KCNQ1OT1: variants seen among roughly 807,000 people sequenced by gnomAD.
The protein encoded by KCNQ1OT1 is KCNQ1 antisense RNA 2 (non-protein coding).
Position 2,679,615 on chromosome 11 carries a change from A to G in KCNQ1OT1, n.20380T>C. 7.5e-6 allele frequency: 3 copies of G among 398,648 alleles called. No individual in the cohort carries two copies. The highest frequency in any genetic ancestry group is 1.3e-5 in the Non-Finnish European group (3 of 226,078). 24.7% of individuals were successfully genotyped at this position (398,648 alleles called of 1,614,324 possible). ...CTGATGGGGAGGCGAGTTGGAATGA[A>G]TAGTATCAGCATCAGAAAAAATACA... is the stretch of plus-strand genomic sequence containing the variant. On this transcript the variant is annotated non_coding_transcript_exon_variant, in exon 1 of 1. Transcript: ENST00000597346. This position sits in a 1 kb window ranked among gnomAD's most constrained non-coding sequence, Gnocchi z 4.8.
In KCNQ1OT1 at chr11:2,627,298, C is replaced by A. The variant is rs1849276692; in HGVS notation, n.72697G>T. 8 of 398,344 alleles carry A rather than the reference C, an allele frequency of 2.0e-5. No homozygotes were observed. The highest frequency in any genetic ancestry group is 2.2e-5 in the Non-Finnish European group (5 of 226,040). 24.7% of individuals were successfully genotyped at this position (398,344 alleles called of 1,614,324 possible). On this transcript the variant is annotated non_coding_transcript_exon_variant, in exon 1 of 1. Coordinates refer to ENST00000597346, the Ensembl canonical transcript of KCNQ1OT1. The surrounding 1 kb of genome is among the most constrained non-coding windows in gnomAD (Gnocchi z 4.9). ...AATTAACATATACCTTACATAGTTG[C>A]CATGTGTGTGCGTGTGTGTGGTCAG...
chr11:2,685,821 A>G, exon 1 of KCNQ1OT1: 1 of 398,730 alleles, frequency 2.5e-6, no homozygotes. Flanking sequence ...GATTCCTACT[A>G]GAACGAGGCT....
chr11:2,675,816 G>A, exon 1 of KCNQ1OT1: 1 of 398,710 alleles, frequency 2.5e-6, no homozygotes, highest in Non-Finnish European at 4.4e-6. Context: ...GTGCATGCAG[G>A]GCTGCACACT....
chr11:2,642,559 C>G lies in KCNQ1OT1; in HGVS notation n.57436G>C, dbSNP rs918113311. 1 of 397,716 alleles carries G rather than the reference C, an allele frequency of 2.5e-6. No individual in the cohort carries two copies. The highest frequency in any genetic ancestry group is 4.4e-6 in the Non-Finnish European group (1 of 225,656). The allele number at this position is 397,716 out of a possible 1,614,324, so 24.6% of individuals were successfully genotyped here. The stretch of plus-strand genomic sequence containing the variant: ...TTGATTTTATTCATGTAGGTCTTCT[C>G]TCTTTTCTTCTTGGATAGTTTAGCC... On this transcript the variant is annotated non_coding_transcript_exon_variant, in exon 1 of 1. Coordinates refer to ENST00000597346, the Ensembl canonical transcript of KCNQ1OT1. The surrounding 1 kb of genome is among the most constrained non-coding windows in gnomAD (Gnocchi z 4.3).
chr11:2,699,524 C>T, exon 1 of KCNQ1OT1: 8 of 355,526 alleles, frequency 2.3e-5, no homozygotes, highest in Non-Finnish European at 3.9e-5. Flanking sequence ...AGGAGAGTGC[C>T]GCGCTGAGGA....
chr11:2,650,148 C>T (rs1356005258), exon 1 of KCNQ1OT1: 2 of 398,148 alleles, frequency 5.0e-6, no homozygotes, highest in Non-Finnish European at 8.9e-6. Flanking sequence ...GGTTCTTTTT[C>T]ATATCTAACT....
exon 1 of KCNQ1OT1, chr11:2,696,968 A>T (rs940374158): frequency 2.0e-5 from 8 of 398,230 alleles, no homozygotes; most frequent in African/African-American, 1.6e-4. Context: ...TAAGTTCCTT[A>T]ATTTTTTTTT....
rs1484201583 is a variant in KCNQ1OT1, at chr11:2,642,523, C to CT, written n.57471dup. On this transcript the variant is annotated non_coding_transcript_exon_variant, in exon 1 of 1. Coordinates refer to ENST00000597346, the Ensembl canonical transcript of KCNQ1OT1. The surrounding 1 kb of genome is among the most constrained non-coding windows in gnomAD (Gnocchi z 4.3). ...TTCATGGTATGAGTTGTAATATCCC[C>CT]TTTTTCATTTTTGATTTTATTCATG... 5.0e-6 allele frequency: 2 copies of CT among 397,682 alleles called. No homozygotes were observed. Among genetic ancestry groups the CT allele is most frequent in the African/African-American group, 4.1e-5 (2 of 48,572 alleles). The allele number at this position is 397,682 out of a possible 1,614,324, so 24.6% of individuals were successfully genotyped here.
exon 1 of KCNQ1OT1, chr11:2,675,027 G>C (rs1421469518): frequency 1.5e-5 from 6 of 398,636 alleles, no homozygotes; most frequent in East Asian, 1.4e-4. Flanking sequence ...TTCTCTGCCA[G>C]AGCCCAGGTG....
rs1564852086 is a variant in KCNQ1OT1 at position 2,668,692 on chromosome 11, ACACT to A, written n.31299_31302del. On this transcript the variant is annotated non_coding_transcript_exon_variant, in exon 1 of 1. Coordinates refer to ENST00000597346, the Ensembl canonical transcript of KCNQ1OT1. The surrounding 1 kb of genome is among the most constrained non-coding windows in gnomAD (Gnocchi z 4.3). ...TCATTTGTCAGAGAGAGAGATACAC[ACACT>A]CACACTCTCTCACAGACACACACAT... 2.5e-6 allele frequency: 1 copy of A among 398,440 alleles called. No individual in the cohort carries two copies. Among genetic ancestry groups the A allele is most frequent in the Non-Finnish European group, 4.4e-6 (1 of 226,062 alleles). 24.7% of individuals were successfully genotyped at this position (398,440 alleles called of 1,614,324 possible). A position where few individuals can be genotyped will look rare whatever the true frequency, so the allele number is the denominator to read the frequency against.
rs1564848720 is a variant in KCNQ1OT1, at chr11:2,661,175, TG to T, written n.38819del. The T allele has an allele frequency of 2.5e-6, 1 of 398,478 alleles. No homozygotes were observed. The highest frequency in any genetic ancestry group is 1.3e-4 in the South Asian group (1 of 7,854). The allele number at this position is 398,478 out of a possible 1,614,324, so 24.7% of individuals were successfully genotyped here. A position where few individuals can be genotyped will look rare whatever the true frequency, so the allele number is the denominator to read the frequency against. On this transcript the variant is annotated non_coding_transcript_exon_variant, in exon 1 of 1. Coordinates refer to ENST00000597346, the Ensembl canonical transcript of KCNQ1OT1. The surrounding 1 kb of genome is among the most constrained non-coding windows in gnomAD (Gnocchi z 5.9). ...AGTTGGCAGTTAACACTGATGACCT[TG>T]GGGGAGGAAAGCCATTGTGAATCTT...
At position 2,624,612 on chromosome 11, in the gene KCNQ1OT1, T is replaced by C. The variant is rs1849232797; in HGVS notation, n.75383A>G. ...CATAAAAATTACCATCCTAACCAAT[T>C]TTAGTGTACAATTCAGTGAATGTAT... On this transcript the variant is annotated non_coding_transcript_exon_variant, in exon 1 of 1. Coordinates refer to ENST00000597346, the Ensembl canonical transcript of KCNQ1OT1. The surrounding 1 kb of genome is among the most constrained non-coding windows in gnomAD (Gnocchi z 4.9). The C allele has an allele frequency of 2.5e-6, 1 of 398,408 alleles. No homozygotes were observed. The highest frequency in any genetic ancestry group is 2.1e-5 in the African/African-American group (1 of 48,608). 24.7% of individuals were successfully genotyped at this position (398,408 alleles called of 1,614,324 possible). A position where few individuals can be genotyped will look rare whatever the true frequency, so the allele number is the denominator to read the frequency against.
chr11:2,652,537 A>T lies in KCNQ1OT1; in HGVS notation n.47458T>A. The T allele has an allele frequency of 2.5e-6, 1 of 398,574 alleles. No homozygotes were observed. The highest frequency in any genetic ancestry group is 4.4e-6 in the Non-Finnish European group (1 of 226,060). The allele number at this position is 398,574 out of a possible 1,614,324, so 24.7% of individuals were successfully genotyped here. ...TGTGAGCTCAACTCTTGGAGAAGAT[A>T]GTGCTTAACCCAGATTCCATTGTAT... is the stretch of plus-strand genomic sequence containing the variant. On this transcript the variant is annotated non_coding_transcript_exon_variant, in exon 1 of 1. Transcript: ENST00000597346. This position sits in a 1 kb window ranked among gnomAD's most constrained non-coding sequence, Gnocchi z 5.9.
In KCNQ1OT1 at chr11:2,612,773, A is replaced by G. The variant is rs993651435; in HGVS notation, n.87222T>C. 1.3e-5 allele frequency: 5 copies of G among 398,424 alleles called. No homozygotes were observed. The highest frequency in any genetic ancestry group is 4.4e-6 in the Non-Finnish European group (1 of 226,054). 24.7% of individuals were successfully genotyped at this position (398,424 alleles called of 1,614,324 possible). ...ATTTATTGCTCATTATTCTTGTTCAAGGGTCACAATTTTCTGTTTCTTTGC... is the reference window on the plus strand; with the variant it reads ...ATTTATTGCTCATTATTCTTGTTCAGGGGTCACAATTTTCTGTTTCTTTGC... On this transcript the variant is annotated non_coding_transcript_exon_variant, in exon 1 of 1. Coordinates refer to ENST00000597346, the Ensembl canonical transcript of KCNQ1OT1. This position sits in a 1 kb window ranked among gnomAD's most constrained non-coding sequence, Gnocchi z 5.5.
chr11:2,655,731 G>A (rs991686562), exon 1 of KCNQ1OT1: 5 of 251,238 alleles, frequency 2.0e-5, no homozygotes, highest in South Asian at 1.8e-4. Flanking sequence ...ACCTGGCTAC[G>A]ACCACAGGTG....
Position 2,691,124 on chromosome 11 carries a change from G to A in KCNQ1OT1, n.8871C>T. 1 of 398,704 alleles carries A rather than the reference G, an allele frequency of 2.5e-6. No individual in the cohort carries two copies. Among genetic ancestry groups the A allele is most frequent in the Non-Finnish European group, 4.4e-6 (1 of 226,120 alleles). The allele number at this position is 398,704 out of a possible 1,614,324, so 24.7% of individuals were successfully genotyped here. On this transcript the variant is annotated non_coding_transcript_exon_variant, in exon 1 of 1. Coordinates refer to ENST00000597346, the Ensembl canonical transcript of KCNQ1OT1. This position sits in a 1 kb window ranked among gnomAD's most constrained non-coding sequence, Gnocchi z 6.4. ...CAACAGTAGGGGTGGAGGCTGTGCA[G>A]ACCTGGTGCAGAGTCTGTGCTGGCC...
In KCNQ1OT1 at chr11:2,624,266, G is replaced by A; in HGVS notation, n.75729C>T. The A allele has an allele frequency of 2.5e-6, 1 of 398,462 alleles. No homozygotes were observed. Among genetic ancestry groups the A allele is most frequent in the Middle Eastern group, 6.3e-4 (1 of 1,588 alleles). 24.7% of individuals were successfully genotyped at this position (398,462 alleles called of 1,614,324 possible). A position where few individuals can be genotyped will look rare whatever the true frequency, so the allele number is the denominator to read the frequency against. On this transcript the variant is annotated non_coding_transcript_exon_variant, in exon 1 of 1. Coordinates refer to ENST00000597346, the Ensembl canonical transcript of KCNQ1OT1. The surrounding 1 kb of genome is among the most constrained non-coding windows in gnomAD (Gnocchi z 4.9). ...CTTCAGTCCATTTTGTAATCAGATTGTTTGTTTTCTAATTGTTATGTTTTT... is the reference window on the plus strand; with the variant it reads ...CTTCAGTCCATTTTGTAATCAGATTATTTGTTTTCTAATTGTTATGTTTTT...
At chr11:2,692,783 C>G in exon 1 of KCNQ1OT1, 1 of 398,678 alleles carries the variant, frequency 2.5e-6, no homozygotes, top group Admixed American at 4.4e-5. Context: ...GAGTGTTTGA[C>G]AAATATTTCT....
rs1848981092 is a variant in KCNQ1OT1, at chr11:2,611,634, T to C, written n.88361A>G. The C allele has an allele frequency of 2.5e-6, 1 of 398,542 alleles. No individual in the cohort carries two copies. Among genetic ancestry groups the C allele is most frequent in the African/African-American group, 2.1e-5 (1 of 48,650 alleles). The allele number at this position is 398,542 out of a possible 1,614,324, so 24.7% of individuals were successfully genotyped here. On this transcript the variant is annotated non_coding_transcript_exon_variant, in exon 1 of 1. Coordinates refer to ENST00000597346, the Ensembl canonical transcript of KCNQ1OT1. This position sits in a 1 kb window ranked among gnomAD's most constrained non-coding sequence, Gnocchi z 5.3. ...TAGAATGTGACTCTTATAGACCATA[T>C]ATATTTGGATCCTGCTTTTAAGGCA...
Sources: allele counts gnomAD v4.1 joint callset, GRCh38; gene constraint gnomAD v4.1.1; non-coding constraint Gnocchi (gnomAD v3.1); transcripts MANE v1.5; gene names NCBI Gene and HGNC (gene_info 2026-07-23, HGNC 2026-07-21).